Variants in MAP4K3 observed in about 807,000 individuals in gnomAD.
The protein encoded by MAP4K3 is MAPK/ERK kinase kinase kinase 3.
Under a neutral mutation model 143.5 loss-of-function variants are expected in MAP4K3, and 94 were observed. That is an observed-to-expected ratio of 0.65 (90% CI 0.55 to 0.78). The LOEUF is 0.78. Ranked by LOEUF, MAP4K3 falls within the 30% of genes least tolerant of loss-of-function variation. The pLI, the probability that MAP4K3 is intolerant of heterozygous loss-of-function variation, is 0.00. For synonymous variants in MAP4K3, 416 were observed against 347.2 expected, an observed-to-expected ratio of 1.20 and a Z score of -2.20; for missense variants, 1,077 against 1,068.1, an observed-to-expected ratio of 1.01 and a Z score of -0.12.
chr2:39,436,318 C>CAAAAA (rs60264140), intron 1 of MAP4K3, among the ~76,000 whole-genome samples: 2 of 129,360 alleles, frequency 1.5e-5, no homozygotes, highest in Admixed American at 7.8e-5. Context: ...TTGCTCTTTC[C>CAAAAA]AAAAAAAAAA....
intron 23 of MAP4K3, among the ~76,000 whole-genome samples, chr2:39,279,876 C>T (rs1301950940): frequency 6.6e-6 from 1 of 152,006 alleles, no homozygotes; most frequent in Admixed American, 6.6e-5. Flanking sequence ...TTGCATAAGG[C>T]CAGAAGTTTG....
intron 3 of MAP4K3, among the ~76,000 whole-genome samples, chr2:39,352,497 G>A (rs1665488807): frequency 6.6e-6 from 1 of 152,102 alleles, no homozygotes; most frequent in East Asian, 1.9e-4. Context: ...TAAAGAATAA[G>A]TCTATAATGA....
chr2:39,336,544 C>A (rs1277899949), intron 6 of MAP4K3, among the ~76,000 whole-genome samples: 1 of 142,412 alleles, frequency 7.0e-6, no homozygotes, highest in Non-Finnish European at 1.5e-5. Flanking sequence ...CATTTTGATG[C>A]ATTACTAAGA....
chr2:39,364,463 G>C (rs1014364265), intron 2 of MAP4K3, among the ~76,000 whole-genome samples: 15 of 152,218 alleles, frequency 9.9e-5, no homozygotes, highest in Non-Finnish European at 2.9e-5. Flanking sequence ...TTTATTTTGA[G>C]CCAAATATGA....
intron 2 of MAP4K3, among the ~76,000 whole-genome samples, chr2:39,360,513 C>T (rs1665737160): frequency 6.6e-6 from 1 of 152,136 alleles, no homozygotes; most frequent in African/African-American, 2.4e-5. Context: ...AAGTTGCTTC[C>T]AGATTTTCAG....
chr2:39,337,625 TG>T, intron 4 of MAP4K3, 44 bp from the exon 5 acceptor site: 3 of 1,277,030 alleles, frequency 2.3e-6, no homozygotes, highest in Non-Finnish European at 3.4e-6. Context: ...AGTCAACGCA[TG>T]TTTTTCAATA....
Position 39,325,589 on chromosome 2 carries a change from T to C in MAP4K3, c.847A>G (p.Ile283Val), listed in dbSNP as rs143406660. Residue 283 changes from isoleucine (I) to valine (V), a missense_variant, in exon 12 of 34, where the codon ATC (isoleucine) becomes GTC (valine). Coordinates refer to ENST00000263881, the MANE Select transcript of MAP4K3 (RefSeq NM_003618.4). ...TTATTTACTTTATCCAACAGCTCGA[T>C]TGCCAAAGACCGTGTCAAATGTTGT... ...VTQHLTRSLA[I>V]ELLDKVNNPD... The C allele has an allele frequency of 1.7e-5, 28 of 1,613,348 alleles. No individual in the cohort carries two copies. Among genetic ancestry groups the C allele is most frequent in the African/African-American group, 1.6e-4 (12 of 75,000 alleles).
At chr2:39,254,064 C>T (rs1680253186) in intron 32 of MAP4K3, among the ~76,000 whole-genome samples, 1 of 152,120 alleles carries the variant, frequency 6.6e-6, no homozygotes, top group Non-Finnish European at 1.5e-5. Context: ...TTATAGTCTG[C>T]GCTGGTCATT....
intron 21 of MAP4K3, among the ~76,000 whole-genome samples, chr2:39,285,456 C>T (rs974965984): frequency 6.6e-6 from 1 of 152,092 alleles, no homozygotes; most frequent in Admixed American, 6.6e-5. Flanking sequence ...CATTTTTGTA[C>T]TATTATGTTA....
rs557459112 is a variant in MAP4K3, at chr2:39,267,439, G to A, written c.1974-192C>T. 346 of 535,338 alleles carry A rather than the reference G, an allele frequency of 6.5e-4. 1 individual carries two copies. Among genetic ancestry groups the A allele is most frequent in the Non-Finnish European group, 9.2e-4 (273 of 297,994 alleles). The allele number at this position is 535,338 out of a possible 1,614,324, so 33.2% of individuals were successfully genotyped here. A position where few individuals can be genotyped will look rare whatever the true frequency, so the allele number is the denominator to read the frequency against. ...TGTAATCCCAGCACTTTGGGAGGCC[G>A]AGGTGGGCGGATCACAAGGTCAAGA... On this transcript the variant is annotated intron_variant, in intron 26 of 33. Transcript: ENST00000263881.
chr2:39,301,939 G>C (rs947792690), intron 15 of MAP4K3, among the ~76,000 whole-genome samples: 8 of 151,902 alleles, frequency 5.3e-5, no homozygotes, highest in Admixed American at 5.2e-4. Context: ...CAGGAGAATC[G>C]CTTGAACCCG....
chr2:39,426,789 T>C (rs1407024011), intron 1 of MAP4K3, among the ~76,000 whole-genome samples: 2 of 151,866 alleles, frequency 1.3e-5, no homozygotes, highest in Admixed American at 1.3e-4. Flanking sequence ...ATAATAAAGA[T>C]AAGAACCATA....
At chr2:39,397,402 T>C (rs1666838728) in intron 1 of MAP4K3, among the ~76,000 whole-genome samples, 1 of 152,194 alleles carries the variant, frequency 6.6e-6, no homozygotes, top group Non-Finnish European at 1.5e-5. Context: ...AACTAAATAT[T>C]TGTATATTTT....
Position 39,263,679 on chromosome 2 carries a change from G to A in MAP4K3, c.2136+1524C>T, listed in dbSNP as rs1381925511. Among the ~76,000 whole-genome samples, 7 of 152,260 alleles carry A rather than the reference G, an allele frequency of 4.6e-5. No individual in the cohort carries two copies. The East Asian group carries it at 1.4e-3, about 29-fold the overall frequency. On this transcript the variant is annotated intron_variant, in intron 28 of 33. Transcript: ENST00000263881. ...AGCTCAGAGAGTTTAAGAAAAGGGA[G>A]AAGAGTGATTAAAATCTTGAGGGAG...
Position 39,267,515 on chromosome 2 carries a change from A to G in MAP4K3, c.1974-268T>C. Reference sequence around the variant, plus strand: ...ATAAAACCCCGTCTCTACTAAAAATACAAAAAAATTAGCCAGGCATGGTGG... The same window carrying G: ...ATAAAACCCCGTCTCTACTAAAAATGCAAAAAAATTAGCCAGGCATGGTGG... On this transcript the variant is annotated intron_variant, in intron 26 of 33. Transcript: ENST00000263881. 4 of 314,792 alleles carry G rather than the reference A, an allele frequency of 1.3e-5. No homozygotes were observed. In the South Asian group the frequency reaches 1.4e-4, roughly 11 times the overall value. The allele number at this position is 314,792 out of a possible 1,614,324, so 19.5% of individuals were successfully genotyped here. A position where few individuals can be genotyped will look rare whatever the true frequency, so the allele number is the denominator to read the frequency against.
At chr2:39,283,128 T>C (rs942071229) in intron 21 of MAP4K3, among the ~76,000 whole-genome samples, 1 of 152,344 alleles carries the variant, frequency 6.6e-6, no homozygotes, top group Non-Finnish European at 1.5e-5. Flanking sequence ...TGGATGCCTT[T>C]ATTGGTATAC....
chr2:39,431,543 G>C (rs560561450), intron 1 of MAP4K3, among the ~76,000 whole-genome samples: 10 of 152,182 alleles, frequency 6.6e-5, no homozygotes, highest in African/African-American at 2.4e-4. Context: ...GTTTTTTGTA[G>C]GGTGGAAAGG....
At chr2:39,320,073 A>G (rs1025031244) in intron 12 of MAP4K3, among the ~76,000 whole-genome samples, 27 of 152,250 alleles carry the variant, frequency 1.8e-4, no homozygotes, top group African/African-American at 6.3e-4. Context: ...CTTCCCTAAC[A>G]AAAGTTGGCT....
intron 1 of MAP4K3, among the ~76,000 whole-genome samples, chr2:39,399,877 A>G (rs930985465): frequency 2.0e-5 from 3 of 152,202 alleles, no homozygotes; most frequent in Non-Finnish European, 2.9e-5. Flanking sequence ...CAGGTACATA[A>G]TATTTATATG....
Sources: gnomAD v4.1 joint callset for allele counts (sites outside exome capture counted in the v4.1 genomes callset) on GRCh38, gnomAD v4.1.1 for gene constraint, MANE v1.5 for transcripts, NCBI Gene and HGNC (gene_info 2026-07-23, HGNC 2026-07-21) for gene names.